RBFOX1: variants seen among roughly 807,000 people sequenced by gnomAD.
The protein encoded by RBFOX1 is RNA binding fox-1 homolog 1.
Under a neutral mutation model 57.7 loss-of-function variants are expected in RBFOX1, and 8 were observed. The observed-to-expected ratio is 0.14, with a 90% confidence interval of 0.08 to 0.25. The LOEUF is 0.25. RBFOX1 is among the 10% of genes least tolerant of loss of function. RBFOX1 has a pLI of 1.00. For synonymous variants in RBFOX1, 326 were observed against 222.4 expected (o/e 1.47, Z -4.15); for missense variants, 611 against 548.5 (o/e 1.11, Z -1.14).
chr16:5,589,501 G>C (rs939639575), intron 2 of RBFOX1, among the ~76,000 whole-genome samples: 1 of 152,144 alleles, frequency 6.6e-6, no homozygotes, highest in African/African-American at 2.4e-5. Context: ...AGGATAGAAG[G>C]TAAGTATCTT....
At chr16:6,324,695 C>T (rs373310368) in intron 2 of RBFOX1, among the ~76,000 whole-genome samples, 124 of 152,286 alleles carry the variant, frequency 8.1e-4, no homozygotes, top group African/African-American at 2.9e-3. Context: ...TTGAGGATTA[C>T]CGTTCAACAT....
intron 4 of RBFOX1, among the ~76,000 whole-genome samples, chr16:7,363,238 T>C (rs553220470): frequency 4.3e-4 from 65 of 152,302 alleles, no homozygotes; most frequent in Middle Eastern, 3.4e-3. Flanking sequence ...GTTCTTTGTC[T>C]GTTGTGTTAC....
intron 3 of RBFOX1, among the ~76,000 whole-genome samples, chr16:6,992,440 A>G (rs1465688301): frequency 6.6e-6 from 1 of 151,386 alleles, no homozygotes; most frequent in African/African-American, 2.4e-5. Context: ...CTGGTCTTGA[A>G]CTCTTGATCT....
At chr16:5,765,952 G>T (rs8061354) in intron 3 of RBFOX1, among the ~76,000 whole-genome samples, 22,361 of 152,012 alleles carry the variant, frequency 0.15, 1,983 homozygotes, top group African/African-American at 0.24. Context: ...CATGGTTACT[G>T]CTGTTGCCAT....
At chr16:5,389,791 A>C (rs772026850) in intron 1 of RBFOX1, among the ~76,000 whole-genome samples, 1 of 151,636 alleles carries the variant, frequency 6.6e-6, no homozygotes. Context: ...TCCATCACCC[A>C]GGCTCAAGCG....
rs77993056 is a variant in RBFOX1 at position 6,621,331 on chromosome 16, G to T, written c.-63-33272G>T. ...AAAAAAAAATTAGCCAGGTGTGGTG[G>T]CAGGCGCCTGTAGTCCCAGCTACTC... is the stretch of plus-strand genomic sequence containing the variant. On this transcript the variant is annotated intron_variant, in intron 2 of 15. Transcript: ENST00000550418. Among the ~76,000 whole-genome samples the T allele has an allele frequency of 8.6e-3, 1,309 of 152,294 alleles. 21 individuals carry two copies. The highest frequency in any genetic ancestry group is 0.03 in the African/African-American group (1,228 of 41,560).
At chr16:7,312,114 C>A (rs1015195925) in intron 4 of RBFOX1, among the ~76,000 whole-genome samples, 1 of 152,146 alleles carries the variant, frequency 6.6e-6, no homozygotes. Flanking sequence ...GCGCAGTGGC[C>A]CACGCCTGTA....
intron 4 of RBFOX1, among the ~76,000 whole-genome samples, chr16:7,341,462 G>T (rs867433505): frequency 1.2e-4 from 18 of 152,252 alleles, no homozygotes; most frequent in Admixed American, 5.9e-4. Flanking sequence ...GTCCTCAGAG[G>T]TTGCGTAGGG....
chr16:6,415,314 AC>A (rs2093593756), intron 2 of RBFOX1, among the ~76,000 whole-genome samples: 1 of 151,260 alleles, frequency 6.6e-6, no homozygotes, highest in Admixed American at 6.6e-5. Flanking sequence ...TACTAGTGTT[AC>A]CCCATTTTCA....
chr16:7,141,804 T>C (rs1307194105), intron 4 of RBFOX1, among the ~76,000 whole-genome samples: 2 of 152,150 alleles, frequency 1.3e-5, no homozygotes, highest in Non-Finnish European at 2.9e-5. Context: ...GTCCATCATA[T>C]TGACGACCGC....
At chr16:7,465,563 A>T (rs1300233597) in intron 4 of RBFOX1, among the ~76,000 whole-genome samples, 1 of 152,240 alleles carries the variant, frequency 6.6e-6, no homozygotes, top group Admixed American at 6.5e-5. Flanking sequence ...TCATTTCAGG[A>T]AAATAAGACA....
intron 2 of RBFOX1, among the ~76,000 whole-genome samples, chr16:5,592,672 T>G (rs1367245250): frequency 2.0e-5 from 3 of 152,214 alleles, no homozygotes; most frequent in Non-Finnish European, 4.4e-5. Context: ...GTTTGGACCA[T>G]GCATTAAGGA....
chr16:6,949,955 G>T (rs1018418929), intron 3 of RBFOX1, among the ~76,000 whole-genome samples: 45 of 109,128 alleles, frequency 4.1e-4, no homozygotes, highest in South Asian at 9.1e-4. Context: ...TGTTGTTGTT[G>T]TTGTTTTTTG....
At chr16:6,727,719 C>T (rs1420011453) in intron 3 of RBFOX1, among the ~76,000 whole-genome samples, 1 of 152,166 alleles carries the variant, frequency 6.6e-6, no homozygotes, top group African/African-American at 2.4e-5. Context: ...AATGGGCTCA[C>T]ACGTGTGAGT....
intron 1 of RBFOX1, among the ~76,000 whole-genome samples, chr16:5,463,134 G>A (rs1311402138): frequency 6.6e-6 from 1 of 152,178 alleles, no homozygotes; most frequent in Non-Finnish European, 1.5e-5. Flanking sequence ...CGTCAACCTT[G>A]CATCCCTGGT....
At chr16:6,596,266 A>G (rs1041595900) in intron 2 of RBFOX1, among the ~76,000 whole-genome samples, 1 of 152,068 alleles carries the variant, frequency 6.6e-6, no homozygotes, top group African/African-American at 2.4e-5. Flanking sequence ...TAGGCCTATG[A>G]TTCATTTTGA....
chr16:7,079,202 C>T lies in RBFOX1; in HGVS notation c.27+27104C>T, dbSNP rs566525713. 5.9e-5 allele frequency among the ~76,000 whole-genome samples: 9 copies of T among 152,190 alleles called. 1 individual carries two copies. In the South Asian group the frequency reaches 1.2e-3, roughly 21 times the overall value. On this transcript the variant is annotated intron_variant, in intron 4 of 15. Coordinates refer to ENST00000550418, the MANE Select transcript of RBFOX1 (RefSeq NM_018723.4). Reference sequence around the variant, plus strand: ...ACTTCCTATCTCTGCACCATCCAGGCGCGGGACTGCATATGTTTATTGGCC... The same window carrying T: ...ACTTCCTATCTCTGCACCATCCAGGTGCGGGACTGCATATGTTTATTGGCC...
At chr16:6,203,754 A>C (rs1299816078) in intron 1 of RBFOX1, among the ~76,000 whole-genome samples, 1 of 152,182 alleles carries the variant, frequency 6.6e-6, no homozygotes, top group Non-Finnish European at 1.5e-5. Flanking sequence ...TGTTCATAGA[A>C]ACATAAATTG....
intron 3 of RBFOX1, among the ~76,000 whole-genome samples, chr16:6,697,221 G>C (rs1219362030): frequency 2.0e-5 from 3 of 152,168 alleles, no homozygotes; most frequent in Admixed American, 6.6e-5. Flanking sequence ...AGTGGTCACT[G>C]TAGTGGTAGC....
Sources: allele counts gnomAD v4.1 joint callset (sites outside exome capture counted in the v4.1 genomes callset), GRCh38; gene constraint gnomAD v4.1.1; transcripts MANE v1.5; gene names NCBI Gene and HGNC (gene_info 2026-07-23, HGNC 2026-07-21).